PCDHA11: variants seen among roughly 807,000 people sequenced by gnomAD.
PCDHA11 encodes protocadherin alpha 11, also known as protocadherin alpha-11.
PCDHA11 carries 61 observed loss-of-function variants against 70.3 expected under a neutral mutation model. The ratio of observed to expected loss-of-function variants is 0.87; its 90% CI spans 0.71 to 1.07. The LOEUF is 1.07. Ranked by LOEUF, PCDHA11 falls within the 50% of genes least tolerant of loss-of-function variation. The probability of loss-of-function intolerance (pLI) is 0.00; values close to 1 mark genes in which losing one functional copy is unlikely to be tolerated. For synonymous variants in PCDHA11, 633 were observed against 555.1 expected (o/e 1.14, Z -1.97); for missense variants, 1,324 against 1,237.5 (o/e 1.07, Z -1.05).
chr5:140,925,106 G>GAA (rs1554202543), intron 1 of PCDHA11, among the ~76,000 whole-genome samples: 1 of 151,098 alleles, frequency 6.6e-6, no homozygotes, highest in African/African-American at 2.4e-5. Flanking sequence ...AGGAAGGAAG[G>GAA]AGGGAAGGAA....
At chr5:140,875,288 A>G in intron 1 of PCDHA11, 2 of 1,392,506 alleles carry the variant, frequency 1.4e-6, no homozygotes, top group East Asian at 2.5e-5. Flanking sequence ...TGAAACAGGA[A>G]AATTTTTTTC....
intron 3 of PCDHA11, among the ~76,000 whole-genome samples, chr5:140,997,376 C>T (rs1554255857): frequency 2.6e-5 from 4 of 152,144 alleles, no homozygotes. Flanking sequence ...GATGATATAG[C>T]ATACTACACA....
At chr5:140,980,837 A>T (rs1189348118) in intron 2 of PCDHA11, among the ~76,000 whole-genome samples, 1 of 152,160 alleles carries the variant, frequency 6.6e-6, no homozygotes, top group Non-Finnish European at 1.5e-5. Context: ...TGTGAACCTA[A>T]ATAATACTAA....
At chr5:140,983,739 G>A (rs983923811) in intron 3 of PCDHA11, among the ~76,000 whole-genome samples, 1 of 152,194 alleles carries the variant, frequency 6.6e-6, no homozygotes, top group African/African-American at 2.4e-5. Context: ...TGGCTGGCTT[G>A]CAATAATCCA....
At chr5:140,872,472 A>T (rs1251918712) in intron 1 of PCDHA11, among the ~76,000 whole-genome samples, 1 of 152,106 alleles carries the variant, frequency 6.6e-6, no homozygotes, top group South Asian at 2.1e-4. Context: ...ATAAAAAATT[A>T]AAAAATTAGC....
Position 140,884,686 on chromosome 5 carries a change from G to C in PCDHA11, c.2391+13192G>C, listed in dbSNP as rs376199469. 72 of 1,538,980 alleles carry C rather than the reference G, an allele frequency of 4.7e-5. No homozygotes were observed. The African/African-American group carries it at 8.7e-4, about 19-fold the overall frequency. ...AGGTAAGCTTATATTTTAAAAAATT[G>C]TCTTAGTAAACACTTTAGCCTTCCT... On this transcript the variant is annotated intron_variant, in intron 1 of 3. Transcript: ENST00000398640.
chr5:140,891,877 T>A (rs2063293050), intron 1 of PCDHA11, among the ~76,000 whole-genome samples: 1 of 152,218 alleles, frequency 6.6e-6, no homozygotes, highest in East Asian at 1.9e-4. Flanking sequence ...TTTGGCTCTG[T>A]CATGTGACGA....
chr5:140,968,966 T>C (rs781901506), intron 1 of PCDHA11: 1 of 1,614,216 alleles, frequency 6.2e-7, no homozygotes, highest in East Asian at 2.2e-5. Context: ...GTGCTACCGC[T>C]ACACTGCGTA....
chr5:140,940,425 G>T (rs2153645742), intron 1 of PCDHA11, among the ~76,000 whole-genome samples: 1 of 152,034 alleles, frequency 6.6e-6, no homozygotes, highest in African/African-American at 2.4e-5. Flanking sequence ...AATTATTACT[G>T]ATCAAGTCTG....
chr5:140,947,038 A>G (rs2094072618), intron 1 of PCDHA11, among the ~76,000 whole-genome samples: 1 of 151,776 alleles, frequency 6.6e-6, no homozygotes, highest in Admixed American at 6.6e-5. Context: ...TATACTAATT[A>G]CCCTGATTTG....
At chr5:140,973,946 G>A (rs566831681) in intron 1 of PCDHA11, among the ~76,000 whole-genome samples, 45 of 152,304 alleles carry the variant, frequency 3.0e-4, no homozygotes, top group Non-Finnish European at 1.5e-4. Flanking sequence ...GAATATGATG[G>A]CATTTTACAG....
At position 140,869,864 on chromosome 5, in the gene PCDHA11, A is replaced by C. The variant is rs1554163548; in HGVS notation, c.761A>C (p.Asn254Thr). The C allele has an allele frequency of 6.2e-7, 1 of 1,610,504 alleles. No individual in the cohort carries two copies. The highest frequency in any genetic ancestry group is 1.3e-5 in the African/African-American group (1 of 74,888). Reference protein sequence around the residue: ...KSEYKVSLMENAAKETLVLKL... With the variant: ...KSEYKVSLMETAAKETLVLKL... ...GAATATAAGGTGAGCCTTATGGAAAATGCTGCTAAAGAAACTCTTGTGCTC... is the reference window on the plus strand; with the variant it reads ...GAATATAAGGTGAGCCTTATGGAAACTGCTGCTAAAGAAACTCTTGTGCTC... Residue 254 changes from asparagine to threonine, a missense_variant, in exon 1 of 4, where the codon AAT (asparagine) becomes ACT (threonine). By Grantham distance (65) the Asn-to-Thr change is moderately conservative. Coordinates refer to ENST00000398640, the MANE Select transcript of PCDHA11 (RefSeq NM_018902.5).
intron 1 of PCDHA11, among the ~76,000 whole-genome samples, chr5:140,900,317 G>A (rs188830675): frequency 3.3e-4 from 50 of 151,512 alleles, no homozygotes; most frequent in Non-Finnish European, 6.2e-4. Context: ...CACTTTTGTC[G>A]CCCAGGCTGG....
intron 1 of PCDHA11, chr5:140,876,266 A>T: frequency 6.2e-7 from 1 of 1,614,012 alleles, no homozygotes; most frequent in South Asian, 1.1e-5. Context: ...ATCCAACTAA[A>T]TGCTTCCGAT....
At chr5:141,004,495 C>T (rs1363359146) in intron 3 of PCDHA11, among the ~76,000 whole-genome samples, 14 of 152,182 alleles carry the variant, frequency 9.2e-5, no homozygotes, top group Admixed American at 9.2e-4. Flanking sequence ...TCTTGGCAGT[C>T]CTGCTGTGAG....
chr5:140,940,305 A>G (rs2092590184), intron 1 of PCDHA11, among the ~76,000 whole-genome samples: 1 of 152,126 alleles, frequency 6.6e-6, no homozygotes, highest in Non-Finnish European at 1.5e-5. Flanking sequence ...GTAATTTATT[A>G]TCTTTCTTCC....
chr5:140,883,475 AACT>A, intron 1 of PCDHA11: 1 of 1,614,106 alleles, frequency 6.2e-7, no homozygotes. Context: ...CACCTACAAG[AACT>A]ACTACTCATT....
intron 1 of PCDHA11, among the ~76,000 whole-genome samples, chr5:140,888,521 C>A (rs191011552): frequency 1.3e-5 from 2 of 152,142 alleles, no homozygotes; most frequent in African/African-American, 2.4e-5. Context: ...TTAGTTCTGA[C>A]GTGAAGTTAA....
rs201969686 is a variant in PCDHA11, at chr5:140,898,775, T to A, written c.2391+27281T>A. ...GATGGCATTGAATCTGTAAATTACC[T>A]TGGGCAGTATGGCCATTTTCACGAT... On this transcript the variant is annotated intron_variant, in intron 1 of 3. Coordinates refer to ENST00000398640, the MANE Select transcript of PCDHA11 (RefSeq NM_018902.5). 9.9e-4 allele frequency among the ~76,000 whole-genome samples: 151 copies of A among 152,312 alleles called. 1 individual carries two copies. The East Asian group carries it at 0.026, about 26-fold the overall frequency.
Sources: gnomAD v4.1 joint callset for allele counts (sites outside exome capture counted in the v4.1 genomes callset) on GRCh38, gnomAD v4.1.1 for gene constraint, MANE v1.5 for transcripts, NCBI Gene and HGNC (gene_info 2026-07-23, HGNC 2026-07-21) for gene names.